DAO: variants seen among roughly 807,000 people sequenced by gnomAD.
DAO encodes D-amino acid oxidase.
In DAO, 51 loss-of-function variants were observed where a neutral mutation model predicts 50.1. The ratio of observed to expected loss-of-function variants is 1.02; its 90% CI spans 0.81 to 1.29. The LOEUF is 1.29. DAO is among the 50% of genes most tolerant of loss of function. The probability of loss-of-function intolerance (pLI) is 0.00; values close to 1 mark genes in which losing one functional copy is unlikely to be tolerated. For synonymous variants in DAO, 160 were observed against 166.2 expected, an observed-to-expected ratio of 0.96 and a Z score of 0.29; for missense variants, 436 against 439.4, an observed-to-expected ratio of 0.99 and a Z score of 0.07.
chr12:108,898,573 T>A (rs2039587058), intron 8 of DAO, 106 bp from the exon 9 acceptor site: 1 of 805,922 alleles, frequency 1.2e-6, no homozygotes, highest in Non-Finnish European at 2.3e-6. Context: ...ATTGAGGTAG[T>A]GATGGTGGTG....
chr12:108,893,220 G>A (rs2039511260), intron 6 of DAO, among the ~76,000 whole-genome samples, 184 bp downstream of exon 6: 1 of 152,088 alleles, frequency 6.6e-6, no homozygotes, highest in African/African-American at 2.4e-5. Context: ...GTTGGTAGTG[G>A]GAACAAAGGA....
At chr12:108,889,926 C>G (rs1009900045) in intron 4 of DAO, among the ~76,000 whole-genome samples, 11 of 152,160 alleles carry the variant, frequency 7.2e-5, no homozygotes, top group African/African-American at 2.7e-4. Context: ...TGATGCCTCT[C>G]TGGTCTTCTC....
intron 7 of DAO, among the ~76,000 whole-genome samples, chr12:108,895,538 GTA>G (rs1244298340): frequency 1.1e-4 from 16 of 148,626 alleles, no homozygotes; most frequent in African/African-American, 1.0e-4. Flanking sequence ...CCATGTGAGG[GTA>G]TGTGTGTGTG....
chr12:108,880,201 C>A lies in DAO; in HGVS notation c.-33C>A. The A allele has an allele frequency of 2.2e-6, 1 of 451,778 alleles. No homozygotes were observed. 28.0% of individuals were successfully genotyped at this position (451,778 alleles called of 1,614,324 possible). ...TGTCCCCGCACTGCAGTTGTCTGGT[C>A]TCTCCAGCAGTTTGGTACTTCCGGT... On this transcript the variant is annotated 5_prime_UTR_variant, in exon 1 of 11. Transcript: ENST00000228476.
intron 6 of DAO, 117 bp from the exon 7 acceptor site, chr12:108,894,146 C>G: frequency 1.3e-6 from 1 of 794,692 alleles, no homozygotes; most frequent in Non-Finnish European, 2.1e-6. Flanking sequence ...TGAGACCTCT[C>G]CCCACTGTTC....
chr12:108,891,869 G>A (rs779549308), intron 5 of DAO, among the ~76,000 whole-genome samples: 1 of 152,094 alleles, frequency 6.6e-6, no homozygotes, highest in Non-Finnish European at 1.5e-5. Context: ...CAAAGTGCTG[G>A]GATTACAGGC....
rs752105034 is a variant in DAO, at chr12:108,894,273, A to T, written c.518A>T (p.Glu173Val). Reference protein sequence around the residue: ...KVESFEEVAREGADVIVNCTG... With the variant: ...KVESFEEVARVGADVIVNCTG... The stretch of plus-strand genomic sequence containing the variant: ...GTTGGTTGCTACCAGGTGGCAAGAG[A>T]AGGCGCAGACGTGATTGTCAACTGC... The change falls in exon 7 of 11, where the codon GAA becomes GTA. Residue 173 changes from glutamate (E) to valine (V), a missense_variant. Coordinates refer to ENST00000228476, the MANE Select transcript of DAO (RefSeq NM_001917.5). 14 of 1,613,706 alleles carry T rather than the reference A, an allele frequency of 8.7e-6. No individual in the cohort carries two copies. In the Admixed American group the frequency reaches 1.7e-4, roughly 19 times the overall value.
chr12:108,894,232 C>T, intron 6 of DAO, 31 bp from the exon 7 acceptor site: 1 of 1,552,006 alleles, frequency 6.4e-7, no homozygotes, highest in Non-Finnish European at 8.9e-7. Context: ...CCCCACCTTT[C>T]ATCCCCCACT....
intron 7 of DAO, among the ~76,000 whole-genome samples, chr12:108,895,091 G>A (rs1376300089): frequency 6.6e-6 from 1 of 152,206 alleles, no homozygotes; most frequent in Non-Finnish European, 1.5e-5. Flanking sequence ...TCATCTTACA[G>A]ATGAAGAAAT....
chr12:108,897,947 A>G (rs556318088), intron 8 of DAO, among the ~76,000 whole-genome samples: 6,033 of 101,056 alleles, frequency 0.06, 153 homozygotes, highest in Middle Eastern at 0.11. Flanking sequence ...ACCCCATCTC[A>G]AAAAAAAAAA....
chr12:108,884,714 G>GT (rs1439059557), intron 1 of DAO, among the ~76,000 whole-genome samples: 3 of 152,026 alleles, frequency 2.0e-5, no homozygotes, highest in African/African-American at 7.2e-5. Context: ...TCTATTCCCA[G>GT]CCCAGAAACT....
intron 5 of DAO, 64 bp from the exon 6 acceptor site, chr12:108,892,918 C>T: frequency 6.7e-7 from 1 of 1,486,784 alleles, no homozygotes; most frequent in South Asian, 1.1e-5. Flanking sequence ...CCCTGTGCCA[C>T]CCTCTTGGTG....
Position 108,897,050 on chromosome 12 carries a change from A to T in DAO, c.657A>T (p.Pro219=), listed in dbSNP as rs1335097600. 2 of 1,614,040 alleles carry T rather than the reference A, an allele frequency of 1.2e-6. No homozygotes were observed. Among genetic ancestry groups the T allele is most frequent in the South Asian group, 2.2e-5 (2 of 91,070 alleles). The change falls in exon 8 of 11, where the codon CCA becomes CCT. Residue 219 remains proline, a synonymous_variant. Transcript: ENST00000228476. The part of the protein sequence containing the change: ...WMKHFILTHD[P]ERGIYNSPYI... ...AGCACTTCATTCTCACCCATGACCC[A>T]GAGAGAGGCATCTACAATTCCCCGT...
chr12:108,900,182 A>G, intron 10 of DAO: 1 of 529,364 alleles, frequency 1.9e-6, no homozygotes, highest in South Asian at 2.0e-5. Flanking sequence ...TTTGACTCCA[A>G]GGCTATTTCC....
At position 108,897,067 on chromosome 12, in the gene DAO, A is replaced by G. The variant is rs753916764; in HGVS notation, c.674A>G (p.Asn225Ser). The G allele has an allele frequency of 1.9e-6, 3 of 1,613,762 alleles. No homozygotes were observed. The highest frequency in any genetic ancestry group is 1.7e-6 in the Non-Finnish European group (2 of 1,179,740). ...LTHDPERGIY[N>S]SPYIIPGTQT... The stretch of plus-strand genomic sequence containing the variant: ...CATGACCCAGAGAGAGGCATCTACA[A>G]TTCCCCGTACATCATCCCAGGGTAA... Residue 225 changes from asparagine (N) to serine (S), a missense_variant, in exon 8 of 11, where the codon AAT becomes AGT. Asn to Ser is a conservative substitution (Grantham distance 46, BLOSUM62 1). Transcript: ENST00000228476.
intron 1 of DAO, among the ~76,000 whole-genome samples, chr12:108,884,116 C>T (rs138570344): frequency 6.6e-5 from 10 of 152,370 alleles, no homozygotes; most frequent in Non-Finnish European, 7.3e-5. Context: ...AGGGCCCAAT[C>T]AGCCCTGTGC....
intron 7 of DAO, 114 bp from the exon 8 acceptor site, chr12:108,896,892 C>A: frequency 1.2e-6 from 1 of 805,576 alleles, no homozygotes. Flanking sequence ...CATGAGAGGT[C>A]TTATAAGGAA....
intron 7 of DAO, among the ~76,000 whole-genome samples, chr12:108,896,490 A>C (rs1183941621): frequency 1.3e-5 from 2 of 151,276 alleles, no homozygotes; most frequent in Non-Finnish European, 2.9e-5. Flanking sequence ...GTATCTGGGA[A>C]GATAAGCTTG....
At chr12:108,898,536 T>A in intron 8 of DAO, 143 bp from the exon 9 acceptor site, 1 of 754,636 alleles carries the variant, frequency 1.3e-6, no homozygotes, top group Non-Finnish European at 2.5e-6. Flanking sequence ...GAGTTCGTTG[T>A]TGGTGTTGAT....
Sources: allele counts gnomAD v4.1 joint callset (sites outside exome capture counted in the v4.1 genomes callset), GRCh38; gene constraint gnomAD v4.1.1; transcripts MANE v1.5; gene names NCBI Gene and HGNC (gene_info 2026-07-23, HGNC 2026-07-21).